Variants in MACF1 observed in about 807,000 individuals in gnomAD.
MACF1 encodes microtubule-actin cross-linking factor 1.
In MACF1, 193 loss-of-function variants were observed where a neutral mutation model predicts 854.8. The ratio of observed to expected loss-of-function variants is 0.23; its 90% CI spans 0.20 to 0.25. The LOEUF is 0.25. Among genes scored for constraint, MACF1 ranks in the 10% least tolerant of loss-of-function variants. The pLI is 1.00. For synonymous variants in MACF1, 3,185 were observed against 3,226.7 expected (o/e 0.99, Z 0.44); for missense variants, 7,722 against 8,929.1 (o/e 0.86, Z 5.45).
chr1:39,471,329 A>T (rs1644772639), intron 97 of MACF1, among the ~76,000 whole-genome samples: 1 of 152,212 alleles, frequency 6.6e-6, no homozygotes, highest in South Asian at 2.1e-4. Context: ...ATAAGGATTA[A>T]TGTGGCTTCT....
At chr1:39,424,529 CTT>C (rs1643661073) in intron 61 of MACF1, among the ~76,000 whole-genome samples, 1 of 152,132 alleles carries the variant, frequency 6.6e-6, no homozygotes, top group Admixed American at 6.5e-5. Context: ...ATTTCCCCCT[CTT>C]ATATTTATAA....
chr1:39,364,845 T>C (rs561690228), intron 49 of MACF1, among the ~76,000 whole-genome samples: 1 of 152,308 alleles, frequency 6.6e-6, no homozygotes, highest in South Asian at 2.1e-4. Context: ...TTTTATTAAA[T>C]ATGTATTTTT....
At position 39,340,555 on chromosome 1, in the gene MACF1, G is replaced by A. The variant is rs754539721; in HGVS notation, c.10269G>A (p.Glu3423=). The A allele has an allele frequency of 6.2e-6, 10 of 1,613,968 alleles. No homozygotes were observed. In the African/African-American group the frequency reaches 8.0e-5, roughly 13 times the overall value. The change falls in exon 39 of 101, where the codon GAG becomes GAA. Residue 3423 remains glutamate (E), a synonymous_variant. Transcript: ENST00000564288. Reference sequence around the variant, plus strand: ...CCACCTTGGTCAGTCAGGAGCTGGAGTGTGTGAATCAGATTATCATCAGCC... The same window carrying A: ...CCACCTTGGTCAGTCAGGAGCTGGAATGTGTGAATCAGATTATCATCAGCC... ...DLTTLVSQEL[E]CVNQIIISQP... is the part of the protein sequence containing the mutation.
chr1:39,357,230 A>G (rs1331489089), intron 44 of MACF1, 145 bp from the exon 45 acceptor site: 6 of 839,566 alleles, frequency 7.1e-6, no homozygotes, highest in African/African-American at 3.4e-5. Flanking sequence ...AGAGAGGTGT[A>G]TGACTTGACA....
chr1:39,327,220 T>G lies in MACF1; in HGVS notation c.4481T>G (p.Leu1494Arg), dbSNP rs774602867. The change falls in exon 36 of 101, where the codon CTC (leucine) becomes CGC (arginine). Residue 1494 changes from leucine (L) to arginine (R), a missense_variant and splice_region_variant. This residue lies in a region of MACF1 where 1,531 missense variants were observed against 1,601.6 expected (regional missense o/e 0.96). Coordinates refer to ENST00000564288, the MANE Select transcript of MACF1 (RefSeq NM_001394062.1). ...QIFLAKHGHK[L>R]SEKEKKQISE... is the part of the protein sequence containing the mutation. The stretch of plus-strand genomic sequence containing the variant: ...AGCTTTAATGCTTCATCTTCCAGGC[T>G]CTCAGAAAAAGAGAAGAAACAAATA... 1 of 1,567,268 alleles carries G rather than the reference T, an allele frequency of 6.4e-7. No individual in the cohort carries two copies. Among genetic ancestry groups the G allele is most frequent in the South Asian group, 1.2e-5 (1 of 86,494 alleles).
intron 58 of MACF1, among the ~76,000 whole-genome samples, chr1:39,393,764 A>T (rs1004321395): frequency 3.3e-5 from 5 of 151,426 alleles, no homozygotes; most frequent in Non-Finnish European, 5.9e-5. Context: ...AGCTGCGTCC[A>T]TGCCACCGCA....
chr1:39,289,407 G>T (rs1645720780), intron 15 of MACF1, among the ~76,000 whole-genome samples: 1 of 152,088 alleles, frequency 6.6e-6, no homozygotes, highest in South Asian at 2.1e-4. Flanking sequence ...TTTGTATATT[G>T]CCTGTCTTTT....
In MACF1 at chr1:39,197,213, C is replaced by CAT. The variant is rs959759227; in HGVS notation, c.221-33961_221-33960dup. On this transcript the variant is annotated intron_variant, in intron 2 of 93. Transcript: ENST00000361689. The stretch of plus-strand genomic sequence containing the variant: ...CCCTCTGCTTCTTCCTTCCAACATA[C>CAT]ATATATATAATAAATATAAATATAA... Among the ~76,000 whole-genome samples the CAT allele has an allele frequency of 1.1e-4, 17 of 151,692 alleles. No homozygotes were observed. In the South Asian group the frequency reaches 3.5e-3, roughly 32 times the overall value.
intron 2 of MACF1, among the ~76,000 whole-genome samples, chr1:39,171,624 G>C (rs1263079276): frequency 6.6e-6 from 1 of 152,012 alleles, no homozygotes; most frequent in Non-Finnish European, 1.5e-5. Flanking sequence ...TTTCGTTACA[G>C]ACATTATAAT....
At chr1:39,300,117 C>T in intron 21 of MACF1, 93 bp from the exon 22 acceptor site, 1 of 1,286,238 alleles carries the variant, frequency 7.8e-7, no homozygotes, top group Non-Finnish European at 1.1e-6. Flanking sequence ...AGATGACATT[C>T]TCTGAGGGAG....
chr1:39,216,507 T>G (rs1353577197), intron 1 of MACF1, among the ~76,000 whole-genome samples: 1 of 152,138 alleles, frequency 6.6e-6, no homozygotes, highest in Admixed American at 6.5e-5. Flanking sequence ...AGTTGTTTGA[T>G]GAAGAGGAGA....
rs753285228 is a variant in MACF1 at position 39,349,638 on chromosome 1, A to G, written c.10965+11A>G. 1 of 1,612,830 alleles carries G rather than the reference A, an allele frequency of 6.2e-7. No individual in the cohort carries two copies. The highest frequency in any genetic ancestry group is 8.5e-7 in the Non-Finnish European group (1 of 1,179,342). On this transcript the variant is annotated intron_variant, in intron 42 of 100. Coordinates refer to ENST00000564288, the MANE Select transcript of MACF1 (RefSeq NM_001394062.1). ...CAAAGTGACTTGAAGGTCAGTGTGAATCTGTCAATTTTGACACAAAGTCTC... is the reference window on the plus strand; with the variant it reads ...CAAAGTGACTTGAAGGTCAGTGTGAGTCTGTCAATTTTGACACAAAGTCTC...
chr1:39,414,333 A>G (rs1208916440), intron 58 of MACF1: 2 of 1,613,868 alleles, frequency 1.2e-6, no homozygotes, highest in Non-Finnish European at 1.7e-6. Context: ...AAGAAGGAAC[A>G]CCTGTTCTAG....
At position 39,387,312 on chromosome 1, in the gene MACF1, G is replaced by A. The variant is rs145271544; in HGVS notation, c.14470G>A (p.Ala4824Thr). 1.9e-6 allele frequency: 3 copies of A among 1,614,100 alleles called. No individual in the cohort carries two copies. Among genetic ancestry groups the A allele is most frequent in the African/African-American group, 1.3e-5 (1 of 74,926 alleles). Residue 4824 changes from alanine (A) to threonine (T), a missense_variant, in exon 58 of 101, where the codon GCA becomes ACA. By Grantham distance (58) the Ala-to-Thr change is moderately conservative. Around this residue, in one of 15 missense-constraint regions of MACF1, gnomAD observed 2,807 missense variants for 3,235.8 expected, o/e 0.87. Coordinates refer to ENST00000564288, the MANE Select transcript of MACF1 (RefSeq NM_001394062.1). ...GCAAGCAAAAAACTGCCCAATTTCT[G>A]CAAAATTGGAGCGGCTACAGTCTCA... ...SQQAKNCPIS[A>T]KLERLQSQLQ...
chr1:39,323,134 G>A lies in MACF1; in HGVS notation c.4236+126G>A, dbSNP rs1028278971. On this transcript the variant is annotated intron_variant, in intron 33 of 100. Transcript: ENST00000564288. ...TTGGGAGGATTACTTGAGTCTAGGAGTTTGAATCCAGCATGGGTGACATAG... is the reference window on the plus strand; with the variant it reads ...TTGGGAGGATTACTTGAGTCTAGGAATTTGAATCCAGCATGGGTGACATAG... The A allele has an allele frequency of 5.2e-5, 43 of 820,726 alleles. No individual in the cohort carries two copies. In the Admixed American group the frequency reaches 5.9e-4, roughly 11 times the overall value. 50.8% of individuals were successfully genotyped at this position (820,726 alleles called of 1,614,324 possible).
intron 56 of MACF1, among the ~76,000 whole-genome samples, chr1:39,385,117 G>C (rs1308628770): frequency 1.3e-5 from 2 of 152,118 alleles, no homozygotes; most frequent in African/African-American, 4.8e-5. Flanking sequence ...GCCCAGGCTG[G>C]AGTGCAGTGG....
rs886157146 is a variant in MACF1 at position 39,432,807 on chromosome 1, AT to A, written c.17457+164del. 9.7e-4 allele frequency among the ~76,000 whole-genome samples: 144 copies of A among 148,552 alleles called. 1 individual carries two copies. Among genetic ancestry groups the A allele is most frequent in the Non-Finnish European group, 1.6e-3 (104 of 66,768 alleles). On this transcript the variant is annotated intron_variant, in intron 67 of 100. Coordinates refer to ENST00000564288, the MANE Select transcript of MACF1 (RefSeq NM_001394062.1). ...ATGTATTTGGTTGAGATGAGGAAGAATTTTTTTTTTTGCTTTGTGAGAAAGG... is the reference window on the plus strand; with the variant it reads ...ATGTATTTGGTTGAGATGAGGAAGAATTTTTTTTTTGCTTTGTGAGAAAGG...
chr1:39,464,007 C>G, intron 94 of MACF1: 1 of 238,888 alleles, frequency 4.2e-6, no homozygotes, highest in Non-Finnish European at 8.6e-6. Context: ...ACCACTTGCC[C>G]ACAAAGAGAT....
intron 51 of MACF1, among the ~76,000 whole-genome samples, chr1:39,371,011 G>T (rs945413852): frequency 3.3e-5 from 5 of 152,106 alleles, no homozygotes; most frequent in African/African-American, 1.2e-4. Flanking sequence ...TGGGGACTGT[G>T]GCTCTTTGGA....
Sources: gnomAD v4.1 joint callset for allele counts (sites outside exome capture counted in the v4.1 genomes callset) on GRCh38, gnomAD v4.1.1 for gene constraint, gnomAD v4.1.1 regional missense constraint, MANE v1.5 for transcripts, NCBI Gene and HGNC (gene_info 2026-07-23, HGNC 2026-07-21) for gene names.